GRM5: variants seen among roughly 807,000 people sequenced by gnomAD.
The protein encoded by GRM5 is glutamate metabotropic receptor 5.
In GRM5, 19 loss-of-function variants were observed where a neutral mutation model predicts 83.1. That is an observed-to-expected ratio of 0.23 (90% CI 0.16 to 0.34). The LOEUF is 0.34. Ranked by LOEUF, GRM5 falls within the 10% of genes least tolerant of loss-of-function variation. GRM5 has a pLI of 1.00. For synonymous variants in GRM5, 675 were observed against 633.6 expected (o/e 1.07, Z -0.98); for missense variants, 1,160 against 1,588.3 (o/e 0.73, Z 4.58).
intron 2 of GRM5, among the ~76,000 whole-genome samples, chr11:88,869,557 T>G (rs1390975380): frequency 6.6e-6 from 1 of 151,328 alleles, no homozygotes; most frequent in Admixed American, 6.6e-5. Flanking sequence ...TTATAATAAT[T>G]TATATTAATA....
chr11:88,552,892 A>G (rs1942544660), intron 8 of GRM5, among the ~76,000 whole-genome samples: 3 of 152,166 alleles, frequency 2.0e-5, no homozygotes, highest in Admixed American at 2.0e-4. Flanking sequence ...GCCTCTAAAA[A>G]TTTCCAAGGG....
At chr11:88,933,736 A>C (rs547562348) in intron 2 of GRM5, among the ~76,000 whole-genome samples, 11 of 151,928 alleles carry the variant, frequency 7.2e-5, no homozygotes, top group African/African-American at 2.6e-4. Flanking sequence ...GAAATCACAC[A>C]TGTTTGAGAA....
intron 7 of GRM5, among the ~76,000 whole-genome samples, chr11:88,572,657 C>A (rs1591357670): frequency 6.6e-6 from 1 of 152,024 alleles, no homozygotes; most frequent in South Asian, 2.1e-4. Flanking sequence ...AATTTAAATT[C>A]TCAGTGATAA....
chr11:88,976,573 C>T (rs1352463336), intron 2 of GRM5, among the ~76,000 whole-genome samples: 2 of 151,660 alleles, frequency 1.3e-5, no homozygotes, highest in Non-Finnish European at 2.9e-5. Flanking sequence ...TTAATAATTG[C>T]TGTTATTATG....
At chr11:88,693,608 G>A (rs558728221) in intron 3 of GRM5, among the ~76,000 whole-genome samples, 3 of 152,168 alleles carry the variant, frequency 2.0e-5, no homozygotes, top group Non-Finnish European at 4.4e-5. Context: ...CACCGATCAC[G>A]GTACTAGGAG....
intron 3 of GRM5, among the ~76,000 whole-genome samples, chr11:88,751,072 C>CAAAAAAAAAAAAAAAAAAAAAAAA (rs774458890): frequency 6.3e-5 from 3 of 47,366 alleles, no homozygotes; most frequent in African/African-American, 2.3e-4. Flanking sequence ...TAGCAGAAGC[C>CAAAAAAAAAAAAAAAAAAAAAAAA]AAAAAAAAAA....
At chr11:88,809,487 T>C (rs894814412) in intron 3 of GRM5, among the ~76,000 whole-genome samples, 7 of 152,044 alleles carry the variant, frequency 4.6e-5, no homozygotes, top group African/African-American at 1.7e-4. Context: ...CTTTATGTAG[T>C]TCATCTCATT....
chr11:88,665,237 C>A (rs191333138), intron 3 of GRM5, among the ~76,000 whole-genome samples: 231 of 149,498 alleles, frequency 1.5e-3, no homozygotes, highest in African/African-American at 5.3e-3. Context: ...CCTGAATCGT[C>A]AAATAGAGAA....
At chr11:88,789,841 A>G (rs911459301) in intron 3 of GRM5, among the ~76,000 whole-genome samples, 5 of 151,274 alleles carry the variant, frequency 3.3e-5, no homozygotes, top group Non-Finnish European at 7.4e-5. Flanking sequence ...AACATCTACA[A>G]TGTACAAGGC....
rs58210165 is a variant in GRM5, at chr11:88,635,739, C to T, written c.1147+17429G>A. Among the ~76,000 whole-genome samples, 25 of 152,088 alleles carry T rather than the reference C, an allele frequency of 1.6e-4. 1 individual carries two copies. The East Asian group carries it at 4.6e-3, about 28-fold the overall frequency. ...TCATTGCTATGCATTTGGGGTCATA[C>T]CCCCCAAAAAATCATCGTCCAGGCC... On this transcript the variant is annotated intron_variant, in intron 4 of 9. Transcript: ENST00000305447.
chr11:88,838,303 C>T (rs1944131360), intron 3 of GRM5, among the ~76,000 whole-genome samples: 1 of 152,092 alleles, frequency 6.6e-6, no homozygotes. Context: ...ATTCCACTAT[C>T]TTCCTACTAT....
chr11:88,588,692 T>A (rs1937593424), intron 7 of GRM5, among the ~76,000 whole-genome samples: 1 of 152,178 alleles, frequency 6.6e-6, no homozygotes, highest in Non-Finnish European at 1.5e-5. Context: ...TGACCACAAA[T>A]TTAAATTACG....
intron 4 of GRM5, among the ~76,000 whole-genome samples, chr11:88,644,490 G>A (rs1038883868): frequency 6.6e-6 from 1 of 152,156 alleles, no homozygotes; most frequent in South Asian, 2.1e-4. Flanking sequence ...TAAAATGTTT[G>A]CATGCTGGTC....
intron 8 of GRM5, among the ~76,000 whole-genome samples, chr11:88,548,894 T>C (rs990704853): frequency 7.9e-5 from 12 of 152,142 alleles, no homozygotes; most frequent in African/African-American, 2.9e-4. Flanking sequence ...TCAGATAACT[T>C]GCTAAAAACA....
chr11:88,671,095 C>A (rs1307911334), intron 3 of GRM5, among the ~76,000 whole-genome samples: 1 of 151,816 alleles, frequency 6.6e-6, no homozygotes, highest in East Asian at 1.9e-4. Context: ...CAAAGAGCAT[C>A]AGCTTAGTGG....
At chr11:88,625,636 G>T (rs1174414598) in intron 4 of GRM5, among the ~76,000 whole-genome samples, 2 of 152,096 alleles carry the variant, frequency 1.3e-5, no homozygotes, top group Non-Finnish European at 2.9e-5. Flanking sequence ...GGAGAGAAAG[G>T]GAGGGGGGCA....
At chr11:88,808,009 C>A (rs1943525507) in intron 3 of GRM5, among the ~76,000 whole-genome samples, 1 of 151,840 alleles carries the variant, frequency 6.6e-6, no homozygotes, top group South Asian at 2.1e-4. Flanking sequence ...ATAGAATATT[C>A]ATTTATAAAT....
chr11:89,001,426 A>G (rs1378329877), intron 2 of GRM5, among the ~76,000 whole-genome samples: 1 of 152,152 alleles, frequency 6.6e-6, no homozygotes, highest in African/African-American at 2.4e-5. Context: ...ACCAGAGAAT[A>G]ATGCTAAGTG....
chr11:88,889,637 A>C (rs547176238), intron 2 of GRM5, among the ~76,000 whole-genome samples: 1 of 152,296 alleles, frequency 6.6e-6, no homozygotes, highest in East Asian at 1.9e-4. Context: ...TGGGTATTCA[A>C]GTAATAAATA....
Sources: allele counts gnomAD v4.1 joint callset (sites outside exome capture counted in the v4.1 genomes callset), GRCh38; gene constraint gnomAD v4.1.1; transcripts MANE v1.5; gene names NCBI Gene and HGNC (gene_info 2026-07-23, HGNC 2026-07-21).